PDE10A: variants seen among roughly 807,000 people sequenced by gnomAD.
The protein encoded by PDE10A is cAMP and cAMP-inhibited cGMP 3',5'-cyclic phosphodiesterase 10A.
Under a neutral mutation model 97.7 loss-of-function variants are expected in PDE10A, and 39 were observed. The observed-to-expected ratio is 0.40, with a 90% CI of 0.31 to 0.52. PDE10A has a LOEUF of 0.52. Among genes scored for constraint, PDE10A ranks in the 20% least tolerant of loss-of-function variants. The probability of loss-of-function intolerance (pLI) is 0.56; values close to 1 mark genes in which losing one functional copy is unlikely to be tolerated. For missense variants in PDE10A, 731 were observed against 1,047.8 expected, an observed-to-expected ratio of 0.70 and a Z score of 4.17; for synonymous variants, 371 against 376.8, an observed-to-expected ratio of 0.98 and a Z score of 0.18.
At position 165,800,405 on chromosome 6, in the gene PDE10A, A is replaced by G. The variant is rs1375981678; in HGVS notation, c.-615+187124T>C. 5.3e-5 allele frequency among the ~76,000 whole-genome samples: 8 copies of G among 152,336 alleles called. No individual in the cohort carries two copies. The East Asian group carries it at 1.5e-3, about 29-fold the overall frequency. On this transcript the variant is annotated intron_variant, in intron 1 of 19. Coordinates refer to the PDE10A transcript ENST00000366882. ...CTCCATGTGAGATGTGCACACAGACAGGAAGGGCAGCTGGAGGGTCAGGGA... is the reference window on the plus strand; with the variant it reads ...CTCCATGTGAGATGTGCACACAGACGGGAAGGGCAGCTGGAGGGTCAGGGA...
intron 1 of PDE10A, among the ~76,000 whole-genome samples, chr6:165,734,893 A>C (rs1053253742): frequency 6.6e-6 from 1 of 152,248 alleles, no homozygotes; most frequent in African/African-American, 2.4e-5. Flanking sequence ...AACAGTATTA[A>C]TGTGTTCATT....
At chr6:165,408,854 G>A (rs918378359) in intron 13 of PDE10A, among the ~76,000 whole-genome samples, 3 of 152,030 alleles carry the variant, frequency 2.0e-5, no homozygotes, top group Admixed American at 6.6e-5. Flanking sequence ...GCTTTAGTAA[G>A]GAGAAAAATA....
chr6:165,426,844 T>C (rs1424819889), intron 10 of PDE10A, among the ~76,000 whole-genome samples: 2 of 152,046 alleles, frequency 1.3e-5, no homozygotes, highest in Non-Finnish European at 2.9e-5. Flanking sequence ...TAAGACAATA[T>C]ACATGCAGCC....
intron 2 of PDE10A, among the ~76,000 whole-genome samples, chr6:165,502,270 T>C (rs1780934721): frequency 6.6e-6 from 1 of 152,248 alleles, no homozygotes; most frequent in African/African-American, 2.4e-5. Context: ...TAGAACAGAC[T>C]TTATCAAATT....
chr6:165,526,887 C>T (rs1045230463), intron 2 of PDE10A, among the ~76,000 whole-genome samples: 10 of 152,228 alleles, frequency 6.6e-5, no homozygotes, highest in East Asian at 1.9e-4. Flanking sequence ...ATCACCTCTC[C>T]GGCTTTGTGT....
At chr6:165,571,476 G>A (rs1478453179) in intron 1 of PDE10A, among the ~76,000 whole-genome samples, 1 of 152,174 alleles carries the variant, frequency 6.6e-6, no homozygotes, top group Non-Finnish European at 1.5e-5. Flanking sequence ...TATGGAAAAT[G>A]TTATCTGAGT....
At chr6:165,703,855 C>T (rs1279036542) in intron 1 of PDE10A, among the ~76,000 whole-genome samples, 1 of 152,194 alleles carries the variant, frequency 6.6e-6, no homozygotes, top group African/African-American at 2.4e-5. Flanking sequence ...TTCTCAAATC[C>T]TTTGCGAGTC....
chr6:165,652,016 T>C (rs1321277381), intron 1 of PDE10A, among the ~76,000 whole-genome samples: 2 of 152,218 alleles, frequency 1.3e-5, no homozygotes, highest in African/African-American at 4.8e-5. Flanking sequence ...CCTATCCACA[T>C]GCCAGTACCA....
chr6:165,441,856 T>C (rs1790493823), intron 5 of PDE10A, among the ~76,000 whole-genome samples: 1 of 152,198 alleles, frequency 6.6e-6, no homozygotes, highest in African/African-American at 2.4e-5. Flanking sequence ...TGTCTTCAAT[T>C]TCCTCCTTGG....
At chr6:165,699,180 A>G (rs1034970829) in intron 1 of PDE10A, among the ~76,000 whole-genome samples, 2 of 152,220 alleles carry the variant, frequency 1.3e-5, no homozygotes, top group African/African-American at 4.8e-5. Context: ...ACCACAGGAA[A>G]GGTGAAGTGG....
intron 1 of PDE10A, among the ~76,000 whole-genome samples, chr6:165,850,844 A>C: frequency 6.6e-6 from 1 of 152,358 alleles, no homozygotes; most frequent in Middle Eastern, 3.4e-3. Context: ...TTAGATTGAA[A>C]TATGATTAAA....
intron 1 of PDE10A, among the ~76,000 whole-genome samples, chr6:165,847,987 G>C (rs1215062347): frequency 6.6e-6 from 1 of 152,138 alleles, no homozygotes; most frequent in Non-Finnish European, 1.5e-5. Flanking sequence ...GGGATGTACA[G>C]TGCCAGTTAG....
intron 1 of PDE10A, among the ~76,000 whole-genome samples, chr6:165,779,004 A>G (rs2128461273): frequency 6.6e-6 from 1 of 152,284 alleles, no homozygotes; most frequent in African/African-American, 2.4e-5. Flanking sequence ...TTATTTAATG[A>G]GCAGAAGTTC....
chr6:165,982,954 G>A (rs1163152253), intron 1 of PDE10A, among the ~76,000 whole-genome samples: 1 of 152,114 alleles, frequency 6.6e-6, no homozygotes, highest in Admixed American at 6.5e-5. Flanking sequence ...AAGGAAAAAT[G>A]TTTATAAGTT....
At chr6:165,837,659 GTTTTT>G (rs386409265) in intron 1 of PDE10A, among the ~76,000 whole-genome samples, 1,274 of 83,502 alleles carry the variant, frequency 0.015, 28 homozygotes, top group African/African-American at 0.057. Flanking sequence ...ATCTCTCCTG[GTTTTT>G]TTTTTTTTTT....
intron 18 of PDE10A, among the ~76,000 whole-genome samples, chr6:165,375,281 A>C (rs1230852860): frequency 6.6e-6 from 1 of 152,202 alleles, no homozygotes; most frequent in Non-Finnish European, 1.5e-5. Context: ...TTGTGAATGG[A>C]AAGAAAAAAT....
chr6:165,344,513 G>A (rs1483345925), intron 18 of PDE10A, among the ~76,000 whole-genome samples: 1 of 152,042 alleles, frequency 6.6e-6, no homozygotes, highest in Non-Finnish European at 1.5e-5. Context: ...CCTCTTCTAG[G>A]TCCACATTCT....
intron 1 of PDE10A, among the ~76,000 whole-genome samples, chr6:165,951,310 T>C (rs767865833): frequency 3.9e-5 from 6 of 152,170 alleles, no homozygotes; most frequent in Admixed American, 1.3e-4. Flanking sequence ...CTGTGCATCC[T>C]TTTGTTCATT....
chr6:165,422,302 C>CAT (rs1196877367), intron 10 of PDE10A, among the ~76,000 whole-genome samples: 1 of 147,492 alleles, frequency 6.8e-6, no homozygotes, highest in Non-Finnish European at 1.5e-5. Context: ...CACACATACG[C>CAT]ATACACACAT....
Sources: allele counts gnomAD v4.1 joint callset (sites outside exome capture counted in the v4.1 genomes callset), GRCh38; gene constraint gnomAD v4.1.1; transcripts MANE v1.5; gene names NCBI Gene and HGNC (gene_info 2026-07-23, HGNC 2026-07-21).